Variants in TTLL6 observed in about 807,000 individuals in gnomAD.
The protein encoded by TTLL6 is tubulin polyglutamylase TTLL6.
TTLL6 carries 75 observed loss-of-function variants against 96.4 expected under a neutral mutation model. The observed-to-expected ratio is 0.78, with a 90% confidence interval of 0.65 to 0.94. The LOEUF is 0.94. TTLL6 is among the 40% of genes least tolerant of loss of function. The pLI is 0.00. For missense variants in TTLL6, 1,030 were observed against 1,093.0 expected, an observed-to-expected ratio of 0.94 and a Z score of 0.81; for synonymous variants, 411 against 419.4, an observed-to-expected ratio of 0.98 and a Z score of 0.24.
At chr17:48,803,721 T>C (rs2039462764) in intron 3 of TTLL6, among the ~76,000 whole-genome samples, 170 bp downstream of exon 3, 2 of 152,224 alleles carry the variant, frequency 1.3e-5, no homozygotes, top group Admixed American at 1.3e-4. Context: ...ACTCTTGGAA[T>C]AGGATTCCCA....
intron 13 of TTLL6, among the ~76,000 whole-genome samples, chr17:48,773,096 A>G (rs1328343171): frequency 6.6e-6 from 1 of 152,254 alleles, no homozygotes; most frequent in Non-Finnish European, 1.5e-5. Context: ...GCTTAATGGC[A>G]GACAAAACAG....
At chr17:48,763,034 T>G (rs2038520224) in intron 15 of TTLL6, 61 bp from the exon 16 acceptor site, 1 of 418,048 alleles carries the variant, frequency 2.4e-6, no homozygotes. Flanking sequence ...AATATTAAAG[T>G]CAATGAACTC....
At chr17:48,797,787 C>CAAA (rs58265844) in intron 6 of TTLL6, among the ~76,000 whole-genome samples, 5 of 58,614 alleles carry the variant, frequency 8.5e-5, no homozygotes, top group South Asian at 6.8e-4. Context: ...AACTCCATCT[C>CAAA]AAAAAAAAAA....
chr17:48,796,002 C>T (rs2039309890), intron 8 of TTLL6, 59 bp downstream of exon 8: 3 of 1,402,910 alleles, frequency 2.1e-6, no homozygotes, highest in Admixed American at 2.0e-5. Context: ...GGGTAGAATC[C>T]CAGAAAGCAG....
chr17:48,771,408 C>T (rs2038742124), intron 13 of TTLL6, among the ~76,000 whole-genome samples: 1 of 152,048 alleles, frequency 6.6e-6, no homozygotes, highest in Non-Finnish European at 1.5e-5. Context: ...GTGGAAGGAT[C>T]ACTTTAGGCC....
chr17:48,816,886 G>A (rs746474788), intron 1 of TTLL6, 84 bp downstream of exon 1: 2 of 1,078,870 alleles, frequency 1.9e-6, no homozygotes, highest in East Asian at 2.9e-5. Flanking sequence ...TGGGTTTAAG[G>A]AGACGTGTCT....
Position 48,786,313 on chromosome 17 carries a change from GTC to G in TTLL6, c.1610_1611del (p.Arg537ThrfsTer63). The G allele has an allele frequency of 6.2e-7, 1 of 1,614,170 alleles. No individual in the cohort carries two copies. Among genetic ancestry groups the G allele is most frequent in the Non-Finnish European group, 8.5e-7 (1 of 1,180,032 alleles). ...EYARQLIQEL[R>X]LKREKKPFQM... is the part of the protein sequence containing the mutation. Reference sequence around the variant, plus strand: ...TGGAAGGGCTTTTTCTCCCGTTTTAGTCTCAGCTCCTGGATCAGTTGCCTGCC... The same window carrying G: ...TGGAAGGGCTTTTTCTCCCGTTTTAGTCAGCTCCTGGATCAGTTGCCTGCC... On this transcript the variant is annotated frameshift_variant, in exon 12 of 16. Coordinates refer to ENST00000393382, the MANE Select transcript of TTLL6 (RefSeq NM_001130918.3). LOFTEE classifies it high-confidence loss of function.
chr17:48,809,263 G>T (rs1337457331), intron 1 of TTLL6, among the ~76,000 whole-genome samples: 1 of 152,152 alleles, frequency 6.6e-6, no homozygotes, highest in African/African-American at 2.4e-5. Context: ...TGAGTCAATT[G>T]TTCCCAGTGA....
At position 48,803,902 on chromosome 17, in the gene TTLL6, C is replaced by A. The variant is rs200981988; in HGVS notation, c.350G>T (p.Arg117Leu). ...KRLVINLSSC[R>L]YESVRRAAQQ... is the part of the protein sequence containing the mutation. ...ATGTAGATGCTCACCACTCTCATAC[C>A]GGCAGCTGGATAGATTGATCACCAA... Residue 117 changes from arginine to leucine, a missense_variant, in exon 3 of 16, where the codon CGG becomes CTG. By Grantham distance (102) the Arg-to-Leu change is moderately radical. Coordinates refer to ENST00000393382, the MANE Select transcript of TTLL6 (RefSeq NM_001130918.3). 1 of 1,551,922 alleles carries A rather than the reference C, an allele frequency of 6.4e-7. No homozygotes were observed. The highest frequency in any genetic ancestry group is 8.7e-7 in the Non-Finnish European group (1 of 1,147,030).
intron 13 of TTLL6, among the ~76,000 whole-genome samples, chr17:48,772,205 C>G (rs2038761802): frequency 6.6e-6 from 1 of 152,146 alleles, no homozygotes; most frequent in African/African-American, 2.4e-5. Flanking sequence ...CTAAGACCAG[C>G]TGGCCGCAGT....
intron 11 of TTLL6, 28 bp from the exon 12 acceptor site, chr17:48,786,363 T>C (rs746858310): frequency 6.2e-7 from 1 of 1,613,986 alleles, no homozygotes; most frequent in South Asian, 1.1e-5. Context: ...GTGAACATCA[T>C]GGGGGTTAGA....
At position 48,763,644 on chromosome 17, in the gene TTLL6, T is replaced by C. The variant is rs534919792; in HGVS notation, c.*1-671A>G. Among the ~76,000 whole-genome samples, 127 of 151,826 alleles carry C rather than the reference T, an allele frequency of 8.4e-4. 4 individuals carry two copies. The South Asian group carries it at 0.026, about 31-fold the overall frequency. On this transcript the variant is annotated intron_variant, in intron 15 of 15. Transcript: ENST00000393382. ...AAACCCCATCTCTACTAAAGCTACATCCAAACATTAGCCAGGAACAGTGGC... is the reference window on the plus strand; with the variant it reads ...AAACCCCATCTCTACTAAAGCTACACCCAAACATTAGCCAGGAACAGTGGC...
In TTLL6 at chr17:48,769,214, G is replaced by T. The variant is rs756408780; in HGVS notation, c.2451C>A (p.Asp817Glu). ...CCAGCTGCCTCTTCTCGCCAGAGCT[G>T]TCACTGCGGGAGTGGCACTCCCCAG... ...SLPGECHSRSDSSGEKRQLDV... is the reference protein window; with the variant it reads ...SLPGECHSRSESSGEKRQLDV... The change falls in exon 15 of 16, where the codon GAC becomes GAA. Residue 817 changes from aspartate to glutamate, a missense_variant. Asp to Glu is a conservative substitution (Grantham distance 45). Transcript: ENST00000393382. 1 of 1,612,590 alleles carries T rather than the reference G, an allele frequency of 6.2e-7. No homozygotes were observed.
At chr17:48,776,613 G>A (rs922382028) in intron 13 of TTLL6, among the ~76,000 whole-genome samples, 8 of 152,108 alleles carry the variant, frequency 5.3e-5, no homozygotes, top group African/African-American at 1.4e-4. Flanking sequence ...AACAAAAGGT[G>A]CAAAATGTCT....
intron 13 of TTLL6, among the ~76,000 whole-genome samples, chr17:48,784,264 G>A (rs2039044846): frequency 6.6e-6 from 1 of 151,618 alleles, no homozygotes; most frequent in South Asian, 2.1e-4. Context: ...AATTAGCCCG[G>A]CATGGTGGTG....
intron 6 of TTLL6, among the ~76,000 whole-genome samples, chr17:48,797,433 C>G (rs2039336836): frequency 6.6e-6 from 1 of 152,082 alleles, no homozygotes; most frequent in African/African-American, 2.4e-5. Flanking sequence ...CCTGATCTGT[C>G]AAGTGACACA....
At chr17:48,806,301 A>C (rs1316801632) in intron 1 of TTLL6, 7 of 152,080 alleles carry the variant, frequency 4.6e-5, no homozygotes, top group Admixed American at 4.6e-4. Context: ...GTCAAATATC[A>C]ACTATTTTTA....
intron 1 of TTLL6, among the ~76,000 whole-genome samples, chr17:48,815,616 A>G (rs929959091): frequency 2.0e-5 from 3 of 152,238 alleles, no homozygotes; most frequent in African/African-American, 4.8e-5. Context: ...ACAGGATAAA[A>G]TAAGATGTTT....
chr17:48,807,900 G>A (rs1428942464), intron 1 of TTLL6, among the ~76,000 whole-genome samples: 4 of 152,084 alleles, frequency 2.6e-5, no homozygotes, highest in African/African-American at 9.6e-5. Context: ...GTGCAGTGGC[G>A]CGGTCTCGGC....
Sources: gnomAD v4.1 joint callset for allele counts (sites outside exome capture counted in the v4.1 genomes callset) on GRCh38, gnomAD v4.1.1 for gene constraint, MANE v1.5 for transcripts, NCBI Gene and HGNC (gene_info 2026-07-23, HGNC 2026-07-21) for gene names.